The following POU6F2 variants were observed in gnomAD, a reference collection of about 807,000 sequenced individuals.
POU6F2 encodes the protein POU class 6 homeobox 2.
POU6F2 carries 31 observed loss-of-function variants against 71.3 expected under a neutral mutation model. That is an observed-to-expected ratio of 0.43 (90% CI 0.33 to 0.59). The LOEUF (loss-of-function observed/expected upper bound fraction) is 0.59, where lower values mean the gene tolerates loss of function less well. Ranked by LOEUF, POU6F2 falls within the 20% of genes least tolerant of loss-of-function variation. The pLI, the probability that POU6F2 is intolerant of heterozygous loss-of-function variation, is 0.04. For synonymous variants in POU6F2, 347 were observed against 355.7 expected, an observed-to-expected ratio of 0.98 and a Z score of 0.27; for missense variants, 783 against 856.8, an observed-to-expected ratio of 0.91 and a Z score of 1.07.
At chr7:39,101,134 C>A (rs555530906) in intron 2 of POU6F2, among the ~76,000 whole-genome samples, 3 of 148,922 alleles carry the variant, frequency 2.0e-5, no homozygotes, top group Non-Finnish European at 4.4e-5. Flanking sequence ...AGTGCAATGG[C>A]GCAACCTTGG....
intron 4 of POU6F2, among the ~76,000 whole-genome samples, chr7:39,230,103 C>T (rs1794547257): frequency 6.6e-6 from 1 of 152,210 alleles, no homozygotes; most frequent in African/African-American, 2.4e-5. Flanking sequence ...TGCCCTGTCC[C>T]TTCCATTGCT....
chr7:39,008,888 G>A (rs1196718337), intron 1 of POU6F2, among the ~76,000 whole-genome samples: 1 of 149,772 alleles, frequency 6.7e-6, no homozygotes, highest in East Asian at 2.0e-4. Context: ...CTATATCTCT[G>A]TTTTGGTACC....
intron 8 of POU6F2, among the ~76,000 whole-genome samples, chr7:39,453,762 A>G (rs1209607776): frequency 2.0e-5 from 3 of 152,228 alleles, no homozygotes; most frequent in African/African-American, 7.2e-5. Context: ...TTCTAGGTTT[A>G]TGATGAGTGA....
At chr7:39,177,026 C>T (rs768051378) in intron 2 of POU6F2, among the ~76,000 whole-genome samples, 2 of 152,188 alleles carry the variant, frequency 1.3e-5, no homozygotes, top group Non-Finnish European at 2.9e-5. Flanking sequence ...TATGCTATGG[C>T]TCACTCAGTT....
At chr7:39,335,303 A>G (rs1459319585) in intron 4 of POU6F2, among the ~76,000 whole-genome samples, 1 of 152,172 alleles carries the variant, frequency 6.6e-6, no homozygotes, top group African/African-American at 2.4e-5. Flanking sequence ...TCTTTGAAAC[A>G]CACATTTACA....
At chr7:39,351,459 TA>T (rs536510760) in intron 5 of POU6F2, among the ~76,000 whole-genome samples, 11 of 152,340 alleles carry the variant, frequency 7.2e-5, no homozygotes, top group African/African-American at 2.4e-4. Context: ...TCCTATTTGA[TA>T]TTTAAAATAT....
chr7:39,289,064 A>C (rs192517410), intron 4 of POU6F2, among the ~76,000 whole-genome samples: 1 of 152,342 alleles, frequency 6.6e-6, no homozygotes, highest in African/African-American at 2.4e-5. Flanking sequence ...TTTCAGGAGA[A>C]CATCTTGAAA....
At chr7:39,315,435 A>G (rs990649136) in intron 4 of POU6F2, among the ~76,000 whole-genome samples, 1 of 152,204 alleles carries the variant, frequency 6.6e-6, no homozygotes, top group African/African-American at 2.4e-5. Context: ...ATAGGTACTC[A>G]ATGAATGATC....
At chr7:39,224,376 CAAA>C (rs113802081) in intron 4 of POU6F2, among the ~76,000 whole-genome samples, 3 of 131,990 alleles carry the variant, frequency 2.3e-5, no homozygotes, top group Non-Finnish European at 3.3e-5. Context: ...CACTTAAAAC[CAAA>C]AAAAAAAAAA....
chr7:39,148,714 A>G (rs981379605), intron 2 of POU6F2, among the ~76,000 whole-genome samples: 7 of 152,160 alleles, frequency 4.6e-5, no homozygotes, highest in Non-Finnish European at 8.8e-5. Context: ...CCCATTTGCA[A>G]AAGAGAAACA....
chr7:39,429,977 T>C (rs1283503311), intron 6 of POU6F2, among the ~76,000 whole-genome samples: 2 of 152,078 alleles, frequency 1.3e-5, no homozygotes, highest in African/African-American at 4.8e-5. Flanking sequence ...CCATCTCAGC[T>C]CCCCCGGTTC....
At chr7:39,087,172 ATTT>A (rs1791271640) in intron 2 of POU6F2, among the ~76,000 whole-genome samples, 1 of 126,154 alleles carries the variant, frequency 7.9e-6, no homozygotes, top group African/African-American at 3.4e-5. Context: ...TTATTTATTT[ATTT>A]ATTTATTTAT....
chr7:39,462,852 G>A (rs1260066151), intron 9 of POU6F2, among the ~76,000 whole-genome samples: 2 of 152,128 alleles, frequency 1.3e-5, no homozygotes, highest in Non-Finnish European at 2.9e-5. Flanking sequence ...ATTAAAATTT[G>A]GTTCTGTTTG....
chr7:39,165,413 C>T (rs1159192442), intron 2 of POU6F2, among the ~76,000 whole-genome samples: 1 of 152,154 alleles, frequency 6.6e-6, no homozygotes, highest in Non-Finnish European at 1.5e-5. Flanking sequence ...AGTCCCTGGA[C>T]CCCTAGAGAT....
chr7:39,313,869 T>C (rs1026123789), intron 4 of POU6F2, among the ~76,000 whole-genome samples: 1 of 152,190 alleles, frequency 6.6e-6, no homozygotes, highest in African/African-American at 2.4e-5. Context: ...AAAATCAGCG[T>C]CTTCATAAAT....
intron 5 of POU6F2, among the ~76,000 whole-genome samples, chr7:39,392,596 G>T (rs568478092): frequency 1.1e-4 from 16 of 152,342 alleles, no homozygotes; most frequent in Non-Finnish European, 1.5e-4. Flanking sequence ...AGAGGTTTTC[G>T]TCAGGGAAGG....
At chr7:39,086,586 A>G (rs1250486892) in intron 2 of POU6F2, among the ~76,000 whole-genome samples, 1 of 152,162 alleles carries the variant, frequency 6.6e-6, no homozygotes, top group Non-Finnish European at 1.5e-5. Flanking sequence ...TAAAAAGGTG[A>G]TGAGGAAAGA....
intron 2 of POU6F2, among the ~76,000 whole-genome samples, chr7:39,129,545 T>G (rs1472407682): frequency 6.6e-6 from 1 of 152,174 alleles, no homozygotes; most frequent in African/African-American, 2.4e-5. Context: ...CCCCAATGCC[T>G]GTTTGTTAAT....
At chr7:39,090,730 C>A (rs1375923160) in intron 2 of POU6F2, among the ~76,000 whole-genome samples, 1 of 152,008 alleles carries the variant, frequency 6.6e-6, no homozygotes, top group African/African-American at 2.4e-5. Context: ...AAAATTTATA[C>A]CCCTTTTCAC....
Sources: allele counts gnomAD v4.1 joint callset (sites outside exome capture counted in the v4.1 genomes callset), GRCh38; gene constraint gnomAD v4.1.1; transcripts MANE v1.5; gene names NCBI Gene and HGNC (gene_info 2026-07-23, HGNC 2026-07-21).